Variants in ANKAR observed in about 807,000 individuals in gnomAD.
The protein encoded by ANKAR is ankyrin and armadillo repeat containing.
Under a neutral mutation model 146.2 loss-of-function variants are expected in ANKAR, and 136 were observed. That is an observed-to-expected ratio of 0.93 (90% CI 0.81 to 1.07). The LOEUF (loss-of-function observed/expected upper bound fraction) is 1.07. ANKAR is among the 50% of genes least tolerant of loss of function. The probability of loss-of-function intolerance (pLI) is 0.00; values close to 1 mark genes in which losing one functional copy is unlikely to be tolerated. For missense variants in ANKAR, 1,567 were observed against 1,679.9 expected (o/e 0.93, Z 1.18); for synonymous variants, 500 against 575.8 (o/e 0.87, Z 1.88).
At chr2:189,752,009 C>T (rs1157566413) in intron 18 of ANKAR, among the ~76,000 whole-genome samples, 1 of 151,458 alleles carries the variant, frequency 6.6e-6, no homozygotes, top group African/African-American at 2.4e-5. Flanking sequence ...CTGGGCACAG[C>T]TGTGTGAACC....
chr2:189,676,874 G>C lies in ANKAR; in HGVS notation c.384G>C (p.Gln128His). 2 of 1,614,132 alleles carry C rather than the reference G, an allele frequency of 1.2e-6. No homozygotes were observed. Among genetic ancestry groups the C allele is most frequent in the Non-Finnish European group, 1.7e-6 (2 of 1,180,034 alleles). The change falls in exon 2 of 23, where the codon CAG (glutamine) becomes CAC (histidine). Residue 128 changes from glutamine to histidine, a missense_variant. Coordinates refer to ENST00000684021, the MANE Select transcript of ANKAR (RefSeq NM_001378068.1). ...TCAGTTTAGAAGCTAATTATGATCA[G>C]AGTTCTTCTTGTCAATTACCTCCAG... ...PSISLEANYD[Q>H]SSSCQLPPAY...
intron 8 of ANKAR, among the ~76,000 whole-genome samples, chr2:189,706,636 C>T (rs1043078352): frequency 3.9e-5 from 6 of 152,106 alleles, no homozygotes; most frequent in African/African-American, 1.2e-4. Context: ...TTTTCCTTCA[C>T]TTACGGAGTA....
In ANKAR at chr2:189,696,359, G is replaced by A. The variant is rs148535526; in HGVS notation, c.1698G>A (p.Thr566=). Residue 566 remains threonine (T), a synonymous_variant, in exon 7 of 23, where the codon ACG becomes ACA. Coordinates refer to ENST00000684021, the MANE Select transcript of ANKAR (RefSeq NM_001378068.1). The part of the protein sequence containing the change: ...NFKVNQRRFV[T]FSQGPTPLHL... ...AGGTCAACCAGAGGCGCTTTGTTAC[G>A]TTCAGCCAAGGTACCATAAAGTTTT... 570 of 1,612,736 alleles carry A rather than the reference G, an allele frequency of 3.5e-4. No homozygotes were observed. Among genetic ancestry groups the A allele is most frequent in the Non-Finnish European group, 4.6e-4 (548 of 1,179,598 alleles).
At position 189,681,165 on chromosome 2, in the gene ANKAR, A is replaced by T. The variant is rs546638911; in HGVS notation, c.601+4074A>T. Among the ~76,000 whole-genome samples, 12 of 152,344 alleles carry T rather than the reference A, an allele frequency of 7.9e-5. No individual in the cohort carries two copies. The South Asian group carries it at 2.5e-3, about 32-fold the overall frequency. On this transcript the variant is annotated intron_variant, in intron 2 of 22. Coordinates refer to ENST00000684021, the MANE Select transcript of ANKAR (RefSeq NM_001378068.1). ...GCTCTTTTTAGATCCAGATATCTAGATGGAAACTTTCAGTATAGAAGTCAA... is the reference window on the plus strand; with the variant it reads ...GCTCTTTTTAGATCCAGATATCTAGTTGGAAACTTTCAGTATAGAAGTCAA...
chr2:189,747,483 A>G (rs969194283), downstream of ANKAR, among the ~76,000 whole-genome samples: 2 of 152,208 alleles, frequency 1.3e-5, no homozygotes, highest in African/African-American at 4.8e-5. Context: ...CATCAAGTAC[A>G]TGAGTATGGC....
intron 10 of ANKAR, among the ~76,000 whole-genome samples, chr2:189,715,408 A>G (rs2040316266): frequency 6.6e-6 from 1 of 152,246 alleles, no homozygotes; most frequent in Non-Finnish European, 1.5e-5. Flanking sequence ...GAATCTCTGA[A>G]TAGACCATTA....
At chr2:189,693,328 A>C (rs1017377372) in intron 5 of ANKAR, 151 bp downstream of exon 5, 3 of 577,568 alleles carry the variant, frequency 5.2e-6, no homozygotes, top group Non-Finnish European at 6.2e-6. Flanking sequence ...TGGACTCAAC[A>C]AAATATTAAA....
intron 21 of ANKAR, among the ~76,000 whole-genome samples, chr2:189,744,114 G>A (rs1275811656): frequency 6.6e-6 from 1 of 152,300 alleles, no homozygotes; most frequent in East Asian, 1.9e-4. Flanking sequence ...AACTACTCAA[G>A]ATACGTTAAC....
At chr2:189,757,498 T>A (rs190074358) in intron 18 of ANKAR, among the ~76,000 whole-genome samples, 1 of 152,384 alleles carries the variant, frequency 6.6e-6, no homozygotes, top group Admixed American at 6.5e-5. Flanking sequence ...TCAAGAAGAA[T>A]GCCCTAAAAG....
intron 2 of ANKAR, among the ~76,000 whole-genome samples, chr2:189,685,785 A>G (rs1461129605): frequency 2.0e-5 from 3 of 152,060 alleles, no homozygotes; most frequent in Non-Finnish European, 2.9e-5. Flanking sequence ...TGAACTGTGG[A>G]TATCTTGGTT....
At chr2:189,702,459 C>T (rs2038215848) in intron 7 of ANKAR, among the ~76,000 whole-genome samples, 1 of 152,148 alleles carries the variant, frequency 6.6e-6, no homozygotes, top group Non-Finnish European at 1.5e-5. Flanking sequence ...GTAATGATTC[C>T]TTAGGAAGTT....
intron 2 of ANKAR, among the ~76,000 whole-genome samples, chr2:189,685,833 A>G (rs1194313147): frequency 6.6e-6 from 1 of 152,188 alleles, no homozygotes; most frequent in Non-Finnish European, 1.5e-5. Flanking sequence ...TTTCAGCACA[A>G]CTGCTCCTCC....
At chr2:189,748,265 C>T (rs535872028), downstream of ANKAR, among the ~76,000 whole-genome samples, 61 of 152,298 alleles carry the variant, frequency 4.0e-4, no homozygotes, top group South Asian at 7.0e-3. Context: ...GGCAATAGTG[C>T]AATCATAGCT....
chr2:189,738,743 G>A, intron 19 of ANKAR, 61 bp downstream of exon 19: 1 of 1,037,900 alleles, frequency 9.6e-7, no homozygotes, highest in East Asian at 2.4e-5. Context: ...ACAGTTTATT[G>A]TAATCTGAAT....
chr2:189,695,242 CT>C, intron 6 of ANKAR, 81 bp downstream of exon 6: 1 of 1,181,932 alleles, frequency 8.5e-7, no homozygotes, highest in Non-Finnish European at 1.1e-6. Flanking sequence ...GATGTTTATC[CT>C]AGGGATAATA....
At chr2:189,680,538 A>G (rs1025473996) in intron 2 of ANKAR, among the ~76,000 whole-genome samples, 2 of 151,336 alleles carry the variant, frequency 1.3e-5, no homozygotes, top group African/African-American at 4.9e-5. Context: ...TAGATTGTCT[A>G]TTTGTGTTCT....
chr2:189,728,578 C>A (rs2042106217), intron 14 of ANKAR, 82 bp from the exon 15 acceptor site: 83 of 1,523,634 alleles, frequency 5.4e-5, no homozygotes, highest in Non-Finnish European at 7.4e-5. Flanking sequence ...GCTGGGATTA[C>A]AAGTGTCAGC....
chr2:189,733,201 T>C lies in ANKAR; in HGVS notation c.3395T>C (p.Val1132Ala). 2 of 1,608,388 alleles carry C rather than the reference T, an allele frequency of 1.2e-6. No homozygotes were observed. The highest frequency in any genetic ancestry group is 1.7e-6 in the Non-Finnish European group (2 of 1,177,678). The change falls in exon 17 of 23, where the codon GTC (valine) becomes GCC (alanine). Residue 1132 changes from valine to alanine, a missense_variant. Physicochemically the swap from Val to Ala is moderately conservative, Grantham distance 64. Transcript: ENST00000684021. ...AATGAAGGATTTGAATATGCTGATG[T>C]CCTTTATCTTCTTCACTCAACAGAA... is the stretch of plus-strand genomic sequence containing the variant. ...HENEGFEYADVLYLLHSTEKD... is the reference protein window; with the variant it reads ...HENEGFEYADALYLLHSTEKD...
Position 189,736,502 on chromosome 2 carries a change from T to TTTTTGTG in ANKAR, c.3424-1180_3424-1179insTTTGTGT, listed in dbSNP as rs1422561376. ...TTTTGCCTATTTAGGTGACTGGGTTTTGTGTGTGTGTGTGTGTGTGTGTGT... is the reference window on the plus strand; with the variant it reads ...TTTTGCCTATTTAGGTGACTGGGTTTTTTTGTGTGTGTGTGTGTGTGTGTGTGTGTGT... On this transcript the variant is annotated intron_variant, in intron 17 of 22. Coordinates refer to ENST00000684021, the MANE Select transcript of ANKAR (RefSeq NM_001378068.1). Among the ~76,000 whole-genome samples, 9 of 141,986 alleles carry TTTTTGTG rather than the reference T, an allele frequency of 6.3e-5. 1 individual carries two copies. Among genetic ancestry groups the TTTTTGTG allele is most frequent in the African/African-American group, 2.3e-4 (9 of 39,026 alleles). The allele number at this position is 141,986 out of a possible 152,430, so 93.1% of individuals were successfully genotyped here.
Sources: gnomAD v4.1 joint callset for allele counts (sites outside exome capture counted in the v4.1 genomes callset) on GRCh38, gnomAD v4.1.1 for gene constraint, MANE v1.5 for transcripts, NCBI Gene and HGNC (gene_info 2026-07-23, HGNC 2026-07-21) for gene names.